RBFOX1: variants seen among roughly 807,000 people sequenced by gnomAD.
RBFOX1 encodes RNA binding fox-1 homolog 1.
RBFOX1 carries 8 observed loss-of-function variants against 57.7 expected under a neutral mutation model. The ratio of observed to expected loss-of-function variants is 0.14; its 90% CI spans 0.08 to 0.25. RBFOX1 has a LOEUF of 0.25. Among genes scored for constraint, RBFOX1 ranks in the 10% least tolerant of loss-of-function variants. The pLI is 1.00. For missense variants in RBFOX1, 611 were observed against 548.5 expected (o/e 1.11, Z -1.14); for synonymous variants, 326 against 222.4 (o/e 1.47, Z -4.15).
chr16:6,574,013 C>T (rs945888097), intron 2 of RBFOX1: 1 of 152,340 alleles, frequency 6.6e-6, no homozygotes, highest in African/African-American at 2.4e-5. Flanking sequence ...AGGCAGCCAG[C>T]TTCACTGTCA....
intron 3 of RBFOX1, among the ~76,000 whole-genome samples, chr16:6,677,138 C>T (rs2057867070): frequency 6.6e-6 from 1 of 152,046 alleles, no homozygotes; most frequent in Non-Finnish European, 1.5e-5. Flanking sequence ...TACTTTTTTT[C>T]AGATGATGAA....
intron 2 of RBFOX1, among the ~76,000 whole-genome samples, chr16:6,331,320 G>A (rs1356044230): frequency 1.3e-5 from 2 of 152,088 alleles, no homozygotes; most frequent in African/African-American, 4.8e-5. Context: ...GCTGGTGCAT[G>A]CCTGTAGTCC....
At chr16:7,190,934 T>C (rs1177519039) in intron 4 of RBFOX1, among the ~76,000 whole-genome samples, 1 of 152,148 alleles carries the variant, frequency 6.6e-6, no homozygotes, top group African/African-American at 2.4e-5. Context: ...CCTTTTTTTT[T>C]TCCTGGACTT....
At chr16:6,060,142 T>G (rs967077373) in intron 1 of RBFOX1, among the ~76,000 whole-genome samples, 12 of 29,822 alleles carry the variant, frequency 4.0e-4, no homozygotes, top group African/African-American at 7.7e-4. Flanking sequence ...TTTTTTTTTT[T>G]TTTTTTTTTT....
chr16:7,359,975 C>G (rs1225002246), intron 4 of RBFOX1, among the ~76,000 whole-genome samples: 1 of 144,224 alleles, frequency 6.9e-6, no homozygotes, highest in East Asian at 2.3e-4. Flanking sequence ...CAGAGCGAGA[C>G]TCTGTCTCAA....
At chr16:6,030,646 C>G (rs192983707) in intron 1 of RBFOX1, among the ~76,000 whole-genome samples, 18 of 152,102 alleles carry the variant, frequency 1.2e-4, no homozygotes, top group Admixed American at 1.2e-3. Context: ...AAATTACAGC[C>G]CTTTAAAACA....
intron 2 of RBFOX1, among the ~76,000 whole-genome samples, chr16:6,590,447 C>A (rs910673507): frequency 2.6e-5 from 4 of 152,118 alleles, no homozygotes; most frequent in Non-Finnish European, 4.4e-5. Context: ...GAATTCCATG[C>A]TTTTACACAG....
chr16:7,410,239 A>G (rs961741865), intron 4 of RBFOX1, among the ~76,000 whole-genome samples: 1 of 152,212 alleles, frequency 6.6e-6, no homozygotes, highest in Non-Finnish European at 1.5e-5. Flanking sequence ...TAGGCACTGC[A>G]TATGTGTTGG....
Position 7,120,695 on chromosome 16 carries a change from A to G in RBFOX1, c.27+68597A>G, listed in dbSNP as rs13332781. 1.1e-3 allele frequency among the ~76,000 whole-genome samples: 61 copies of G among 57,176 alleles called. 1 individual carries two copies. In the South Asian group the frequency reaches 0.013, roughly 13 times the overall value. The allele number at this position is 57,176 out of a possible 152,430, so 37.5% of individuals were successfully genotyped here. ...ATTCCACCAAACATTTAATGTTGGG[A>G]AAAAAAAAAAAAAACTATACACAGT... On this transcript the variant is annotated intron_variant, in intron 4 of 15. Transcript: ENST00000550418.
intron 2 of RBFOX1, among the ~76,000 whole-genome samples, chr16:5,584,670 C>A (rs2046775957): frequency 6.6e-6 from 1 of 152,126 alleles, no homozygotes; most frequent in Admixed American, 6.5e-5. Context: ...CCCTGTGACA[C>A]AGATGGGAGA....
At chr16:7,466,879 G>T (rs1446751711) in intron 4 of RBFOX1, among the ~76,000 whole-genome samples, 2 of 152,140 alleles carry the variant, frequency 1.3e-5, no homozygotes, top group African/African-American at 4.8e-5. Context: ...CAAAATGGTA[G>T]AATGACCAGG....
At position 7,493,869 on chromosome 16, in the gene RBFOX1, T is replaced by A. The variant is rs141620466; in HGVS notation, c.28-24278T>A. On this transcript the variant is annotated intron_variant, in intron 4 of 15. Transcript: ENST00000550418. ...TAGAACGCTGATAAAATCATCATTA[T>A]CATTGTCATCATCATTATCGTCATC... 4.7e-4 allele frequency among the ~76,000 whole-genome samples: 72 copies of A among 152,330 alleles called. 1 individual carries two copies. The highest frequency in any genetic ancestry group is 1.6e-3 in the African/African-American group (67 of 41,574).
chr16:6,437,180 C>T (rs770709661), intron 2 of RBFOX1, among the ~76,000 whole-genome samples: 19 of 152,260 alleles, frequency 1.2e-4, no homozygotes, highest in South Asian at 1.0e-3. Flanking sequence ...TGTCAGTGAA[C>T]GAAGGGGCTG....
At chr16:6,828,488 C>T (rs2092410713) in intron 3 of RBFOX1, among the ~76,000 whole-genome samples, 1 of 151,666 alleles carries the variant, frequency 6.6e-6, no homozygotes, top group Non-Finnish European at 1.5e-5. Flanking sequence ...CACGCCATTG[C>T]ACTCCAGCCT....
At chr16:6,674,661 A>C (rs11644987) in intron 3 of RBFOX1, among the ~76,000 whole-genome samples, 9,953 of 152,108 alleles carry the variant, frequency 0.065, 375 homozygotes, top group Non-Finnish European at 0.071. Context: ...GAGATGTACG[A>C]ATGTAGACTC....
intron 2 of RBFOX1, among the ~76,000 whole-genome samples, chr16:6,583,773 C>T (rs2097569041): frequency 6.6e-6 from 1 of 152,138 alleles, no homozygotes; most frequent in South Asian, 2.1e-4. Context: ...AATGAAACTG[C>T]AGTTTAATTA....
intron 2 of RBFOX1, among the ~76,000 whole-genome samples, chr16:6,456,101 A>T (rs755118435): frequency 6.6e-6 from 1 of 152,158 alleles, no homozygotes; most frequent in Non-Finnish European, 1.5e-5. Flanking sequence ...TTCTTTCAAC[A>T]ATAATTTATT....
chr16:5,509,944 A>G (rs1281976358), intron 2 of RBFOX1, among the ~76,000 whole-genome samples: 1 of 152,184 alleles, frequency 6.6e-6, no homozygotes, highest in African/African-American at 2.4e-5. Context: ...TGGTTTTAGC[A>G]GGTGGTCATG....
chr16:5,548,168 A>ATAT (rs1256241961), intron 2 of RBFOX1, among the ~76,000 whole-genome samples: 1 of 57,186 alleles, frequency 1.7e-5, no homozygotes, highest in Admixed American at 2.0e-4. Flanking sequence ...TAAAAAAAAA[A>ATAT]AAAAAAATAT....
Sources: allele counts gnomAD v4.1 joint callset (sites outside exome capture counted in the v4.1 genomes callset), GRCh38; gene constraint gnomAD v4.1.1; transcripts MANE v1.5; gene names NCBI Gene and HGNC (gene_info 2026-07-23, HGNC 2026-07-21).